Variants in SLC39A8 observed in about 807,000 individuals in gnomAD.
SLC39A8 encodes the protein metal cation symporter ZIP8.
Under a neutral mutation model 40.4 loss-of-function variants are expected in SLC39A8, and 15 were observed. The observed-to-expected ratio is 0.37, with a 90% CI of 0.25 to 0.57. The LOEUF (loss-of-function observed/expected upper bound fraction) is 0.57. SLC39A8 is among the 20% of genes least tolerant of loss of function. SLC39A8 has a pLI of 0.75. For missense variants in SLC39A8, 472 were observed against 558.8 expected, an observed-to-expected ratio of 0.84 and a Z score of 1.57; for synonymous variants, 223 against 221.6, an observed-to-expected ratio of 1.01 and a Z score of -0.06.
rs905858249 is a variant in SLC39A8, at chr4:102,262,095, T to C, written c.*949A>G. On this transcript the variant is annotated 3_prime_UTR_variant, in exon 9 of 9. Coordinates refer to ENST00000356736, the MANE Select transcript of SLC39A8 (RefSeq NM_001135146.2). ...TAAGGAACATATGTTTTCCAGTTAA[T>C]CTGTCCTTGATGTACAGCAGTCCAG... 8.1e-6 allele frequency: 8 copies of C among 986,018 alleles called. No homozygotes were observed. The highest frequency in any genetic ancestry group is 9.6e-6 in the Non-Finnish European group (8 of 829,922). 61.1% of individuals were successfully genotyped at this position (986,018 alleles called of 1,614,324 possible). A position where few individuals can be genotyped will look rare whatever the true frequency, so the allele number is the denominator to read the frequency against.
intron 2 of SLC39A8, among the ~76,000 whole-genome samples, chr4:102,325,498 C>G (rs1229475428): frequency 1.3e-5 from 2 of 152,126 alleles, no homozygotes. Context: ...ATGAAGAACG[C>G]TTTTCCTGAA....
chr4:102,309,180 G>C (rs971257664), intron 3 of SLC39A8, among the ~76,000 whole-genome samples: 2 of 151,910 alleles, frequency 1.3e-5, no homozygotes, highest in African/African-American at 4.8e-5. Flanking sequence ...TGTTCATTCA[G>C]CCTAGATGAC....
At chr4:102,337,821 T>C (rs1735742013) in intron 2 of SLC39A8, among the ~76,000 whole-genome samples, 1 of 152,184 alleles carries the variant, frequency 6.6e-6, no homozygotes, top group African/African-American at 2.4e-5. Flanking sequence ...GAAAGTACTA[T>C]TGTTGCTCAA....
At chr4:102,267,709 T>C in intron 7 of SLC39A8, 35 bp from the exon 8 acceptor site, 1 of 1,427,488 alleles carries the variant, frequency 7.0e-7, no homozygotes, top group Non-Finnish European at 9.4e-7. Context: ...AAGTGAATAG[T>C]TTTTTTTTTA....
chr4:102,337,937 ATAAGCAAGAG>A (rs1253017978), intron 2 of SLC39A8, among the ~76,000 whole-genome samples: 18 of 152,340 alleles, frequency 1.2e-4, no homozygotes, highest in African/African-American at 3.8e-4. Context: ...CACATTTGGT[ATAAGCAAGAG>A]TTCAATCAAT....
At chr4:102,333,191 C>T (rs1166086075) in intron 2 of SLC39A8, among the ~76,000 whole-genome samples, 1 of 151,742 alleles carries the variant, frequency 6.6e-6, no homozygotes, top group Admixed American at 6.6e-5. Context: ...TATATATATA[C>T]ATATATATGT....
rs1870953 is a variant in SLC39A8 at position 102,344,582 on chromosome 4, T to G, written c.81A>C (p.Leu27=). 1.5e-3 allele frequency: 2,357 copies of G among 1,549,458 alleles called. 25 individuals are homozygous for G. The African/African-American group carries it at 0.023, about 15-fold the overall frequency. ...CGCTCAGCACATCCTCGCTGAAGGC[T>G]AGCCCTGGCCCCTCCGCCACTCCTC... ...GLGGVAEGPG[L]AFSEDVLSVF... is the part of the protein sequence containing the mutation. The change falls in exon 2 of 9, where the codon CTA becomes CTC. Residue 27 remains leucine, a synonymous_variant. Transcript: ENST00000356736.
At chr4:102,327,598 T>C (rs1198590128) in intron 2 of SLC39A8, among the ~76,000 whole-genome samples, 1 of 152,224 alleles carries the variant, frequency 6.6e-6, no homozygotes, top group Non-Finnish European at 1.5e-5. Flanking sequence ...TAGCACTTAA[T>C]GTGTGCTTCC....
chr4:102,311,904 T>G (rs942254446), intron 3 of SLC39A8, among the ~76,000 whole-genome samples: 3 of 152,098 alleles, frequency 2.0e-5, no homozygotes, highest in African/African-American at 7.2e-5. Flanking sequence ...AAAAATCCAG[T>G]GCATTTAATT....
downstream of SLC39A8, among the ~76,000 whole-genome samples, chr4:102,257,958 A>C (rs1731745868): frequency 6.6e-6 from 1 of 152,226 alleles, no homozygotes; most frequent in Admixed American, 6.5e-5. Flanking sequence ...GCAAGAGGTC[A>C]GCAGTGTGGG....
At chr4:102,308,640 C>T (rs775464319) in intron 3 of SLC39A8, among the ~76,000 whole-genome samples, 3 of 152,080 alleles carry the variant, frequency 2.0e-5, no homozygotes. Flanking sequence ...GCCCCACACA[C>T]TGTACACAAA....
At chr4:102,272,443 AAAAG>A (rs1042670595) in intron 6 of SLC39A8, among the ~76,000 whole-genome samples, 15 of 151,894 alleles carry the variant, frequency 9.9e-5, no homozygotes, top group Non-Finnish European at 1.6e-4. Flanking sequence ...TCAGAAAAAA[AAAAG>A]AAAGAAAGAA....
At chr4:102,337,347 C>A (rs1365421122) in intron 2 of SLC39A8, among the ~76,000 whole-genome samples, 1 of 151,762 alleles carries the variant, frequency 6.6e-6, no homozygotes, top group Non-Finnish European at 1.5e-5. Flanking sequence ...AAACTAAGTC[C>A]CTGCCCCTCA....
chr4:102,276,145 C>G (rs1244727332), intron 6 of SLC39A8, among the ~76,000 whole-genome samples: 2 of 152,096 alleles, frequency 1.3e-5, no homozygotes, highest in African/African-American at 2.4e-5. Context: ...CAGAGCAGAA[C>G]TGAAGGAGAT....
At chr4:102,272,995 G>A (rs551656745) in intron 6 of SLC39A8, among the ~76,000 whole-genome samples, 1 of 152,294 alleles carries the variant, frequency 6.6e-6, no homozygotes, top group South Asian at 2.1e-4. Flanking sequence ...AGGGCCCTGG[G>A]TTTCAACCAC....
intron 6 of SLC39A8, among the ~76,000 whole-genome samples, chr4:102,288,684 T>C (rs2149022290): frequency 6.6e-6 from 1 of 152,240 alleles, no homozygotes. Flanking sequence ...CAAAGCAGCA[T>C]TATTGCTGAC....
At chr4:102,338,541 C>T (rs1220298067) in intron 2 of SLC39A8, among the ~76,000 whole-genome samples, 1 of 152,140 alleles carries the variant, frequency 6.6e-6, no homozygotes, top group Non-Finnish European at 1.5e-5. Context: ...TCATCATCAT[C>T]GTAGCCTCCA....
At chr4:102,338,846 G>A (rs1311755008) in intron 2 of SLC39A8, among the ~76,000 whole-genome samples, 1 of 152,164 alleles carries the variant, frequency 6.6e-6, no homozygotes, top group African/African-American at 2.4e-5. Context: ...GTTGGTATGA[G>A]TATGAAACAT....
At chr4:102,317,583 C>A (rs1032466766) in intron 2 of SLC39A8, among the ~76,000 whole-genome samples, 1 of 152,110 alleles carries the variant, frequency 6.6e-6, no homozygotes, top group Admixed American at 6.6e-5. Flanking sequence ...ACCAGGAAGG[C>A]ATCCAGAAGC....
Sources: gnomAD v4.1 joint callset for allele counts (sites outside exome capture counted in the v4.1 genomes callset) on GRCh38, gnomAD v4.1.1 for gene constraint, MANE v1.5 for transcripts, NCBI Gene and HGNC (gene_info 2026-07-23, HGNC 2026-07-21) for gene names.